The following MTMR9 variants were observed in gnomAD, a reference collection of about 807,000 sequenced individuals.
MTMR9 encodes myotubularin-related protein 9.
MTMR9 carries 39 observed loss-of-function variants against 69.5 expected under a neutral mutation model. That is an observed-to-expected ratio of 0.56 (90% CI 0.43 to 0.73). The LOEUF (loss-of-function observed/expected upper bound fraction) is 0.73. Among genes scored for constraint, MTMR9 ranks in the 30% least tolerant of loss-of-function variants. The pLI is 0.00. For synonymous variants in MTMR9, 354 were observed against 240.8 expected (o/e 1.47, Z -4.35); for missense variants, 900 against 671.2 (o/e 1.34, Z -3.77).
At chr8:11,301,252 A>T (rs936365197) in intron 3 of MTMR9, among the ~76,000 whole-genome samples, 1 of 152,224 alleles carries the variant, frequency 6.6e-6, no homozygotes, top group East Asian at 1.9e-4. Flanking sequence ...AAAACACTTG[A>T]TTACTGTAAA....
intron 1 of MTMR9, among the ~76,000 whole-genome samples, chr8:11,287,775 TTTA>T (rs896041839): frequency 1.6e-5 from 2 of 125,942 alleles, no homozygotes; most frequent in African/African-American, 6.4e-5. Context: ...TTATTATATA[TTTA>T]TTATATATTA....
chr8:11,322,907 C>T lies in MTMR9; in HGVS notation c.*119C>T, dbSNP rs979171375. 3.7e-5 allele frequency: 30 copies of T among 804,202 alleles called. No homozygotes were observed. The highest frequency in any genetic ancestry group is 5.1e-5 in the Non-Finnish European group (26 of 514,242). 49.8% of individuals were successfully genotyped at this position (804,202 alleles called of 1,614,324 possible). A position where few individuals can be genotyped will look rare whatever the true frequency, so the allele number is the denominator to read the frequency against. On this transcript the variant is annotated 3_prime_UTR_variant, in exon 10 of 10. Transcript: ENST00000221086. ...GAAGTGAAGGCTTTAGATGTGGGAC[C>T]CCCCTAATGTAATGGATTTCTCAAT...
chr8:11,301,512 A>G (rs976425530), intron 3 of MTMR9, among the ~76,000 whole-genome samples: 4 of 152,252 alleles, frequency 2.6e-5, no homozygotes, highest in Non-Finnish European at 5.9e-5. Flanking sequence ...ACTAAAATGT[A>G]TTATGCAACT....
At chr8:11,319,102 A>G (rs1800551502) in intron 8 of MTMR9, 1 of 151,994 alleles carries the variant, frequency 6.6e-6, no homozygotes, top group Admixed American at 6.5e-5. Context: ...AAAATAAAAA[A>G]TTAAAAAAAA....
At chr8:11,329,362 G>T (rs530488453), downstream of MTMR9, among the ~76,000 whole-genome samples, 1 of 152,210 alleles carries the variant, frequency 6.6e-6, no homozygotes, top group African/African-American at 2.4e-5. Flanking sequence ...CTCTGATGCC[G>T]AGCCAAAGCT....
intron 2 of MTMR9, among the ~76,000 whole-genome samples, chr8:11,299,777 C>CT (rs201610615): frequency 1.3e-5 from 2 of 151,890 alleles, no homozygotes; most frequent in East Asian, 3.9e-4. Context: ...TTTTTTTGTT[C>CT]TTTTTTTCAT....
In MTMR9 at chr8:11,306,277, G is replaced by T. The variant is rs1298931977; in HGVS notation, c.679G>T (p.Ala227Ser). 6.2e-7 allele frequency: 1 copy of T among 1,614,066 alleles called. No individual in the cohort carries two copies. The highest frequency in any genetic ancestry group is 8.5e-7 in the Non-Finnish European group (1 of 1,179,974). The change falls in exon 5 of 10, where the codon GCT (alanine) becomes TCT (serine). Residue 227 changes from alanine (A) to serine (S), a missense_variant. Physicochemically the swap from Ala to Ser is moderately conservative, Grantham distance 99. Transcript: ENST00000221086. Reference protein sequence around the residue: ...DEKLINATLRAGKRGYIIDTR... With the variant: ...DEKLINATLRSGKRGYIIDTR... ...GAAGCTGATAAATGCTACCCTCAGG[G>T]CTGGAAAGCGTGGCTACATCATTGA...
rs1436103920 is a variant in MTMR9 at position 11,306,214 on chromosome 8, C to G, written c.616C>G (p.Leu206Val). 3 of 1,613,162 alleles carry G rather than the reference C, an allele frequency of 1.9e-6. No homozygotes were observed. Among genetic ancestry groups the G allele is most frequent in the African/African-American group, 1.3e-5 (1 of 74,902 alleles). The change falls in exon 5 of 10, where the codon CTC becomes GTC. Residue 206 changes from leucine (L) to valine (V), a missense_variant. Coordinates refer to ENST00000221086, the MANE Select transcript of MTMR9 (RefSeq NM_015458.4). ...GGTAATTATGCGAAGTGGTCAGCCA[C>G]TCACTGGTACAAACGGGAGGAGGTG... ...GMVIMRSGQP[L>V]TGTNGRRCKE...
chr8:11,319,954 G>A, intron 9 of MTMR9, 116 bp downstream of exon 9: 1 of 928,876 alleles, frequency 1.1e-6, no homozygotes. Flanking sequence ...CCTCAGACCT[G>A]TGTGAATTGT....
downstream of MTMR9, among the ~76,000 whole-genome samples, chr8:11,329,419 T>A (rs1316463560): frequency 6.6e-6 from 1 of 152,224 alleles, no homozygotes; most frequent in Non-Finnish European, 1.5e-5. Context: ...CCCTGCCTGA[T>A]TCTCCTGCCT....
chr8:11,321,648 T>C (rs1800697869), intron 9 of MTMR9: 1 of 367,228 alleles, frequency 2.7e-6, no homozygotes, highest in Admixed American at 3.3e-5. Context: ...ATGGTAGGCA[T>C]CTATATTGAA....
Position 11,300,039 on chromosome 8 carries a change from A to G in MTMR9, c.308A>G (p.Asp103Gly), listed in dbSNP as rs1304909540. 6.2e-7 allele frequency: 1 copy of G among 1,612,826 alleles called. No homozygotes were observed. The highest frequency in any genetic ancestry group is 1.7e-5 in the Admixed American group (1 of 59,932). The stretch of plus-strand genomic sequence containing the variant: ...TGCCCCCAGGCATTGTCTACTCTGG[A>G]CTCCATCACTCTGATGTACCCTTTC... ...ASSIEALSTLDSITLMYPFFY... is the reference protein window; with the variant it reads ...ASSIEALSTLGSITLMYPFFY... Residue 103 changes from aspartate (D) to glycine (G), a missense_variant, in exon 3 of 10, where the codon GAC becomes GGC. Coordinates refer to ENST00000221086, the MANE Select transcript of MTMR9 (RefSeq NM_015458.4).
At chr8:11,333,231 A>T in the MTMR9 span, among the ~76,000 whole-genome samples, 1 of 152,238 alleles carries the variant, frequency 6.6e-6, no homozygotes, top group African/African-American at 2.4e-5. Flanking sequence ...ATCAAAAATC[A>T]CAAAGAATCT....
chr8:11,309,962 C>G (rs546930652), intron 6 of MTMR9, among the ~76,000 whole-genome samples: 10 of 151,974 alleles, frequency 6.6e-5, no homozygotes, highest in Non-Finnish European at 1.3e-4. Flanking sequence ...CTAGTACACC[C>G]TTAAATCATG....
intron 8 of MTMR9, chr8:11,317,432 A>T (rs1280502588): frequency 6.6e-6 from 1 of 152,184 alleles, no homozygotes; most frequent in Non-Finnish European, 1.5e-5. Context: ...CAGGCATTAG[A>T]TTCTCATAAG....
chr8:11,307,835 C>G (rs878907214), intron 5 of MTMR9, among the ~76,000 whole-genome samples: 1 of 151,878 alleles, frequency 6.6e-6, no homozygotes, highest in Non-Finnish European at 1.5e-5. Context: ...TACCTATTGG[C>G]CATTTATATG....
chr8:11,324,715 G>C lies in MTMR9; in HGVS notation c.*1927G>C, dbSNP rs1194727666. On this transcript the variant is annotated 3_prime_UTR_variant, in exon 10 of 10. Transcript: ENST00000221086. Reference sequence around the variant, plus strand: ...CTTTAGAAGTGACTCCCATTAGCCTGGTGTGGTGGTGTGTGCCTATAGTCC... The same window carrying C: ...CTTTAGAAGTGACTCCCATTAGCCTCGTGTGGTGGTGTGTGCCTATAGTCC... 6.6e-6 allele frequency: 1 copy of C among 152,182 alleles called. No individual in the cohort carries two copies. The highest frequency in any genetic ancestry group is 1.5e-5 in the Non-Finnish European group (1 of 68,052). The allele number at this position is 152,182 out of a possible 1,614,324, so 9.4% of individuals were successfully genotyped here. A position where few individuals can be genotyped will look rare whatever the true frequency, so the allele number is the denominator to read the frequency against.
At chr8:11,305,198 A>G (rs1470724144) in intron 4 of MTMR9, among the ~76,000 whole-genome samples, 184 bp downstream of exon 4, 1 of 152,120 alleles carries the variant, frequency 6.6e-6, no homozygotes, top group Non-Finnish European at 1.5e-5. Flanking sequence ...TGAGGATGTG[A>G]TGCTGAATTC....
At chr8:11,338,151 GA>G in the MTMR9 span, among the ~76,000 whole-genome samples, 9 of 152,256 alleles carry the variant, frequency 5.9e-5, no homozygotes, top group Non-Finnish European at 1.2e-4. Context: ...AGGACATCTG[GA>G]GCTGATGCTT....
Sources: gnomAD v4.1 joint callset for allele counts (sites outside exome capture counted in the v4.1 genomes callset) on GRCh38, gnomAD v4.1.1 for gene constraint, MANE v1.5 for transcripts, NCBI Gene and HGNC (gene_info 2026-07-23, HGNC 2026-07-21) for gene names.